The following HS3ST3A1 variants were observed in gnomAD, a reference collection of about 807,000 sequenced individuals.
HS3ST3A1 encodes heparan sulfate-glucosamine 3-sulfotransferase 3A1.
In HS3ST3A1, 19 loss-of-function variants were observed where a neutral mutation model predicts 25.7. That is an observed-to-expected ratio of 0.74 (90% CI 0.52 to 1.08). The LOEUF (loss-of-function observed/expected upper bound fraction) is 1.08, where lower values mean the gene tolerates loss of function less well. Among genes scored for constraint, HS3ST3A1 ranks in the 50% least tolerant of loss-of-function variants. The probability of loss-of-function intolerance (pLI) is 0.00; values close to 1 mark genes in which losing one functional copy is unlikely to be tolerated. For missense variants in HS3ST3A1, 459 were observed against 594.3 expected, an observed-to-expected ratio of 0.77 and a Z score of 2.37; for synonymous variants, 226 against 278.6, an observed-to-expected ratio of 0.81 and a Z score of 1.88.
intron 1 of HS3ST3A1, among the ~76,000 whole-genome samples, chr17:13,504,519 T>C (rs932396017): frequency 6.6e-6 from 1 of 152,168 alleles, no homozygotes; most frequent in Non-Finnish European, 1.5e-5. Context: ...GCTTCCAGGC[T>C]GAAGGAAAAG....
At chr17:13,573,583 G>A (rs16948136) in intron 1 of HS3ST3A1, among the ~76,000 whole-genome samples, 59,768 of 151,842 alleles carry the variant, frequency 0.39, 12,005 homozygotes, top group South Asian at 0.57. Context: ...GGTCTTCATC[G>A]CCACCAGCCC....
At chr17:13,515,947 T>G (rs1469724933) in intron 1 of HS3ST3A1, among the ~76,000 whole-genome samples, 2 of 152,200 alleles carry the variant, frequency 1.3e-5, no homozygotes, top group Non-Finnish European at 2.9e-5. Context: ...ATTGAAATGT[T>G]TATTACAGTT....
chr17:13,557,044 A>G (rs1907400336), intron 1 of HS3ST3A1, among the ~76,000 whole-genome samples: 1 of 152,210 alleles, frequency 6.6e-6, no homozygotes, highest in African/African-American at 2.4e-5. Flanking sequence ...GAGATGGCTT[A>G]GCTCACCCAA....
chr17:13,556,305 C>T (rs1441904909), intron 1 of HS3ST3A1, among the ~76,000 whole-genome samples: 1 of 149,934 alleles, frequency 6.7e-6, no homozygotes, highest in Non-Finnish European at 1.5e-5. Flanking sequence ...CAGGACAGGG[C>T]AGACCACCCT....
chr17:13,516,225 G>T (rs1042091916), intron 1 of HS3ST3A1, among the ~76,000 whole-genome samples: 4 of 152,074 alleles, frequency 2.6e-5, no homozygotes, highest in Non-Finnish European at 5.9e-5. Flanking sequence ...CAGGAGAATC[G>T]CTTGAACCCA....
intron 1 of HS3ST3A1, among the ~76,000 whole-genome samples, chr17:13,579,064 A>G (rs1001270451): frequency 4.6e-5 from 7 of 152,212 alleles, no homozygotes; most frequent in African/African-American, 1.7e-4. Flanking sequence ...TTTTCAAAAA[A>G]GAAAGCCATT....
intron 1 of HS3ST3A1, among the ~76,000 whole-genome samples, chr17:13,527,818 G>A (rs557100712): frequency 1.4e-4 from 21 of 152,304 alleles, no homozygotes; most frequent in Admixed American, 1.2e-3. Context: ...TCCATTATCT[G>A]TAATTGCGTG....
At chr17:13,558,449 TA>T (rs750377796) in intron 1 of HS3ST3A1, among the ~76,000 whole-genome samples, 8 of 152,202 alleles carry the variant, frequency 5.3e-5, no homozygotes, top group Admixed American at 1.3e-4. Flanking sequence ...TTATACAATT[TA>T]AAAACAAAAA....
chr17:13,499,686 C>T (rs1328400417), intron 1 of HS3ST3A1, among the ~76,000 whole-genome samples: 1 of 152,002 alleles, frequency 6.6e-6, no homozygotes, highest in Non-Finnish European at 1.5e-5. Flanking sequence ...CCAGAGGAAA[C>T]ACTGCTAAAA....
At position 13,601,203 on chromosome 17, in the gene HS3ST3A1, C is replaced by T. The variant is rs1908730151; in HGVS notation, c.-74G>A. The T allele has an allele frequency of 8.4e-7, 1 of 1,184,696 alleles. No individual in the cohort carries two copies. Among genetic ancestry groups the T allele is most frequent in the East Asian group, 3.0e-5 (1 of 32,870 alleles). The allele number at this position is 1,184,696 out of a possible 1,614,324, so 73.4% of individuals were successfully genotyped here. A position where few individuals can be genotyped will look rare whatever the true frequency, so the allele number is the denominator to read the frequency against. ...ACCCCGACAGGTGCCAGAGCATCCC[C>T]CCGGCGGGCCAGCGCGCTGGACGGA... On this transcript the variant is annotated 5_prime_UTR_variant, in exon 1 of 2. Coordinates refer to ENST00000284110, the MANE Select transcript of HS3ST3A1 (RefSeq NM_006042.3).
chr17:13,517,284 T>A (rs1038086436), intron 1 of HS3ST3A1, among the ~76,000 whole-genome samples: 1 of 152,254 alleles, frequency 6.6e-6, no homozygotes, highest in Non-Finnish European at 1.5e-5. Context: ...AATTTTTATT[T>A]AGTAAACATT....
At chr17:13,584,935 G>A (rs555874800) in intron 1 of HS3ST3A1, among the ~76,000 whole-genome samples, 134 of 152,194 alleles carry the variant, frequency 8.8e-4, no homozygotes, top group African/African-American at 3.1e-3. Flanking sequence ...CCCATGCCAT[G>A]TGGCTTCTGT....
intron 1 of HS3ST3A1, among the ~76,000 whole-genome samples, chr17:13,580,053 C>CTTGCATTTGCCA (rs1289761629): frequency 6.6e-6 from 1 of 151,130 alleles, no homozygotes; most frequent in Non-Finnish European, 1.5e-5. Flanking sequence ...TTTGCCATGT[C>CTTGCATTTGCCA]TTGCATTTGC....
At chr17:13,550,707 A>AAACAACAACAACAACAACAAC (rs150129442) in intron 1 of HS3ST3A1, among the ~76,000 whole-genome samples, 1 of 151,266 alleles carries the variant, frequency 6.6e-6, no homozygotes, top group African/African-American at 2.4e-5. Flanking sequence ...GCAAACACCA[A>AAACAACAACAACAACAACAAC]AACAACAACA....
chr17:13,570,018 A>C (rs1907762055), intron 1 of HS3ST3A1, among the ~76,000 whole-genome samples: 1 of 152,206 alleles, frequency 6.6e-6, no homozygotes, highest in Non-Finnish European at 1.5e-5. Context: ...GGCACTGTGC[A>C]GAAGATGGGA....
At chr17:13,596,438 C>CACACACACACACAT (rs935270188) in intron 1 of HS3ST3A1, among the ~76,000 whole-genome samples, 3 of 151,610 alleles carry the variant, frequency 2.0e-5, no homozygotes, top group African/African-American at 7.3e-5. Context: ...CACACACACA[C>CACACACACACACAT]ACACACACAC....
At chr17:13,587,005 TAA>T (rs1908292900) in intron 1 of HS3ST3A1, among the ~76,000 whole-genome samples, 1 of 151,376 alleles carries the variant, frequency 6.6e-6, no homozygotes, top group South Asian at 2.1e-4. Flanking sequence ...CATATTAGCT[TAA>T]GTTAAAATAT....
intron 1 of HS3ST3A1, among the ~76,000 whole-genome samples, chr17:13,594,491 C>T (rs1567633069): frequency 1.3e-5 from 2 of 152,152 alleles, no homozygotes; most frequent in Admixed American, 1.3e-4. Flanking sequence ...CAGGATCCTC[C>T]TCCAGAGCCA....
intron 1 of HS3ST3A1, among the ~76,000 whole-genome samples, chr17:13,597,201 T>C (rs1347531660): frequency 6.6e-6 from 1 of 152,124 alleles, no homozygotes; most frequent in African/African-American, 2.4e-5. Context: ...TCTAAACATT[T>C]ATATACATAC....
Sources: allele counts gnomAD v4.1 joint callset (sites outside exome capture counted in the v4.1 genomes callset), GRCh38; gene constraint gnomAD v4.1.1; transcripts MANE v1.5; gene names NCBI Gene and HGNC (gene_info 2026-07-23, HGNC 2026-07-21).